Variants in DLGAP2 observed in about 807,000 individuals in gnomAD.
DLGAP2 encodes disks large-associated protein 2.
In DLGAP2, 26 loss-of-function variants were observed where a neutral mutation model predicts 100.3. The ratio of observed to expected loss-of-function variants is 0.26; its 90% CI spans 0.19 to 0.36. DLGAP2 has a LOEUF of 0.36. Among genes scored for constraint, DLGAP2 ranks in the 10% least tolerant of loss-of-function variants. The probability of loss-of-function intolerance (pLI) is 1.00; values close to 1 mark genes in which losing one functional copy is unlikely to be tolerated. For missense variants in DLGAP2, 1,858 were observed against 1,453.2 expected (o/e 1.28, Z -4.53); for synonymous variants, 886 against 630.1 (o/e 1.41, Z -6.08).
At chr8:1,513,572 G>T (rs1225180585) in intron 4 of DLGAP2, among the ~76,000 whole-genome samples, 1 of 152,194 alleles carries the variant, frequency 6.6e-6, no homozygotes, top group Non-Finnish European at 1.5e-5. Context: ...AGACAATACT[G>T]CCTGGAAAAT....
chr8:749,098 C>G (rs1257556308), intron 1 of DLGAP2, among the ~76,000 whole-genome samples: 1 of 152,166 alleles, frequency 6.6e-6, no homozygotes, highest in Non-Finnish European at 1.5e-5. Context: ...TTTCTGGGCT[C>G]AGGTGATATT....
intron 1 of DLGAP2, among the ~76,000 whole-genome samples, chr8:824,967 C>T (rs1488566624): frequency 1.3e-5 from 2 of 152,186 alleles, no homozygotes; most frequent in Non-Finnish European, 2.9e-5. Flanking sequence ...GGGGCCGCCC[C>T]ACCTCCGTGG....
chr8:1,140,186 G>A (rs947485706), intron 2 of DLGAP2, among the ~76,000 whole-genome samples: 3 of 152,110 alleles, frequency 2.0e-5, no homozygotes, highest in African/African-American at 7.2e-5. Context: ...GGGGAGGTGC[G>A]ACCAGGGTGA....
chr8:1,066,342 C>A lies in DLGAP2; in HGVS notation c.73+158376C>A, dbSNP rs541233891. 2.0e-4 allele frequency among the ~76,000 whole-genome samples: 30 copies of A among 149,298 alleles called. No homozygotes were observed. In the South Asian group the frequency reaches 6.4e-3, roughly 32 times the overall value. ...TGGGCAGGTCTGAGCGAGGGCAGCT[C>A]CTCACCACGGTCAGGTCTGAGTGAG... is the stretch of plus-strand genomic sequence containing the variant. On this transcript the variant is annotated intron_variant, in intron 2 of 14. Coordinates refer to ENST00000637795, the MANE Select transcript of DLGAP2 (RefSeq NM_001346810.2).
chr8:965,196 A>T (rs111232230), intron 2 of DLGAP2, among the ~76,000 whole-genome samples: 19 of 114,590 alleles, frequency 1.7e-4, no homozygotes, highest in African/African-American at 3.4e-4. Flanking sequence ...ACTGTTCACC[A>T]CACAGGGCTC....
chr8:1,042,760 GTGGATGTGGGTGA>G (rs1802392271), intron 2 of DLGAP2, among the ~76,000 whole-genome samples: 1 of 124,528 alleles, frequency 8.0e-6, no homozygotes, highest in Non-Finnish European at 1.7e-5. Context: ...GATGTAGGTG[GTGGATGTGGGTGA>G]TGGATGTGGG....
intron 2 of DLGAP2, among the ~76,000 whole-genome samples, chr8:1,114,178 G>A (rs188436673): frequency 1.2e-3 from 187 of 152,154 alleles, no homozygotes; most frequent in African/African-American, 3.9e-3. Context: ...TTGTGTCTCT[G>A]CCAGGTTTTG....
chr8:1,411,931 C>A (rs529540633), intron 3 of DLGAP2, among the ~76,000 whole-genome samples: 1 of 152,282 alleles, frequency 6.6e-6, no homozygotes, highest in East Asian at 1.9e-4. Flanking sequence ...GATGCTTCCA[C>A]GCCAGTATCC....
At chr8:1,476,834 C>T (rs1383866084) in intron 3 of DLGAP2, among the ~76,000 whole-genome samples, 2 of 151,206 alleles carry the variant, frequency 1.3e-5, no homozygotes, top group Non-Finnish European at 3.0e-5. Flanking sequence ...GGCCACCCAC[C>T]AGCCCCTTCT....
At chr8:1,616,515 C>T (rs1412623039) in intron 6 of DLGAP2, among the ~76,000 whole-genome samples, 1 of 152,012 alleles carries the variant, frequency 6.6e-6, no homozygotes, top group African/African-American at 2.4e-5. Flanking sequence ...CAAACAGAAA[C>T]CAGAGGAATA....
At chr8:832,977 C>G (rs1186528831) in intron 1 of DLGAP2, among the ~76,000 whole-genome samples, 3 of 152,226 alleles carry the variant, frequency 2.0e-5, no homozygotes, top group Non-Finnish European at 2.9e-5. Flanking sequence ...GTTTCTCACA[C>G]AGCACACTGA....
intron 13 of DLGAP2, among the ~76,000 whole-genome samples, chr8:1,694,507 C>A (rs1799331078): frequency 6.6e-6 from 1 of 152,180 alleles, no homozygotes. Context: ...GCTTGTGACA[C>A]AACCAGAAGG....
intron 6 of DLGAP2, among the ~76,000 whole-genome samples, chr8:1,570,352 C>A (rs924739541): frequency 2.0e-5 from 3 of 152,240 alleles, no homozygotes; most frequent in Non-Finnish European, 4.4e-5. Flanking sequence ...TGTTCCATTA[C>A]GCACAGCCCT....
intron 2 of DLGAP2, among the ~76,000 whole-genome samples, chr8:1,241,989 C>T (rs542807772): frequency 1.3e-5 from 2 of 152,286 alleles, no homozygotes; most frequent in African/African-American, 4.8e-5. Context: ...CCGAGATGGT[C>T]TCTGAGGGAA....
chr8:1,277,948 G>A (rs1344779205), intron 3 of DLGAP2, among the ~76,000 whole-genome samples: 1 of 152,188 alleles, frequency 6.6e-6, no homozygotes, highest in Non-Finnish European at 1.5e-5. Flanking sequence ...TCTAGATTGG[G>A]TATTGGTAGG....
chr8:865,448 C>G (rs1177138263), intron 1 of DLGAP2, among the ~76,000 whole-genome samples: 1 of 152,148 alleles, frequency 6.6e-6, no homozygotes, highest in Non-Finnish European at 1.5e-5. Context: ...CTTGCAGCCT[C>G]CTTTCAAGCC....
At chr8:1,639,212 G>C (rs916114149) in intron 8 of DLGAP2, among the ~76,000 whole-genome samples, 21 of 152,258 alleles carry the variant, frequency 1.4e-4, no homozygotes, top group Admixed American at 1.4e-3. Context: ...GGTATAGAAA[G>C]AGAAGAGGCC....
At chr8:912,551 G>C (rs1798506365) in intron 2 of DLGAP2, among the ~76,000 whole-genome samples, 1 of 152,208 alleles carries the variant, frequency 6.6e-6, no homozygotes, top group Non-Finnish European at 1.5e-5. Flanking sequence ...CCTGGACATG[G>C]AGTTGTGAGT....
At chr8:768,874 G>C (rs1039574482) in intron 1 of DLGAP2, among the ~76,000 whole-genome samples, 2 of 152,108 alleles carry the variant, frequency 1.3e-5, no homozygotes, top group Non-Finnish European at 2.9e-5. Context: ...CATGTGTCTG[G>C]GGTCAGGAGA....
Sources: gnomAD v4.1 joint callset for allele counts (sites outside exome capture counted in the v4.1 genomes callset) on GRCh38, gnomAD v4.1.1 for gene constraint, MANE v1.5 for transcripts, NCBI Gene and HGNC (gene_info 2026-07-23, HGNC 2026-07-21) for gene names.